Variants in ABLIM1 observed in about 807,000 individuals in gnomAD.
The protein encoded by ABLIM1 is actin binding LIM protein 1, also known as actin-binding LIM protein 1.
A neutral mutation model predicts 107.0 loss-of-function variants in ABLIM1; 40 were observed. That is an observed-to-expected ratio of 0.37 (90% confidence interval 0.29 to 0.49). The LOEUF is 0.49. ABLIM1 is among the 20% of genes least tolerant of loss of function. ABLIM1 has a pLI of 0.97. For missense variants in ABLIM1, 857 were observed against 1,008.5 expected, an observed-to-expected ratio of 0.85 and a Z score of 2.04; for synonymous variants, 357 against 357.3, an observed-to-expected ratio of 1.00 and a Z score of 0.01.
chr10:114,465,280 C>T (rs1251153902), intron 12 of ABLIM1, among the ~76,000 whole-genome samples: 2 of 151,986 alleles, frequency 1.3e-5, no homozygotes, highest in East Asian at 1.9e-4. Flanking sequence ...CTTACTAACA[C>T]CTAGATAAGG....
At chr10:114,598,007 C>G (rs1407632788) in intron 2 of ABLIM1, among the ~76,000 whole-genome samples, 5 of 152,176 alleles carry the variant, frequency 3.3e-5, no homozygotes, top group Admixed American at 3.3e-4. Flanking sequence ...CACAGTGGCT[C>G]ACGCCTGTAA....
intron 1 of ABLIM1, among the ~76,000 whole-genome samples, chr10:114,744,416 C>A (rs72831094): frequency 0.018 from 2,733 of 152,122 alleles, 37 homozygotes; most frequent in Non-Finnish European, 0.03. Flanking sequence ...AACAAAGAAA[C>A]AAGTTATCAA....
At chr10:114,493,079 T>C (rs1468125805) in intron 6 of ABLIM1, among the ~76,000 whole-genome samples, 1 of 152,242 alleles carries the variant, frequency 6.6e-6, no homozygotes, top group East Asian at 1.9e-4. Flanking sequence ...ATTTTTTACT[T>C]TTCTGCAGAA....
chr10:114,586,527 TTTTAAG>T (rs2074217528), intron 2 of ABLIM1, among the ~76,000 whole-genome samples: 1 of 152,240 alleles, frequency 6.6e-6, no homozygotes, highest in South Asian at 2.1e-4. Context: ...TCATGGGTTC[TTTTAAG>T]GAAATCAATG....
chr10:114,564,951 T>C (rs1388905830), intron 4 of ABLIM1, among the ~76,000 whole-genome samples: 1 of 152,228 alleles, frequency 6.6e-6, no homozygotes, highest in Non-Finnish European at 1.5e-5. Context: ...AAGCACCCAA[T>C]TTTTATTAAT....
intron 12 of ABLIM1, among the ~76,000 whole-genome samples, chr10:114,458,256 GTTTCTA>G (rs1279305136): frequency 1.3e-5 from 2 of 152,042 alleles, no homozygotes; most frequent in African/African-American, 4.8e-5. Flanking sequence ...TTCTATTTAT[GTTTCTA>G]TTTCTATTTC....
At chr10:114,557,849 A>C (rs1212145833) in intron 4 of ABLIM1, among the ~76,000 whole-genome samples, 1 of 151,688 alleles carries the variant, frequency 6.6e-6, no homozygotes, top group Non-Finnish European at 1.5e-5. Context: ...AAAAAAAAAA[A>C]AAAAATCAAA....
intron 3 of ABLIM1, among the ~76,000 whole-genome samples, chr10:114,572,474 G>C (rs1284814595): frequency 6.6e-6 from 1 of 152,180 alleles, no homozygotes; most frequent in East Asian, 1.9e-4. Flanking sequence ...AGTCATCACA[G>C]AGAGTTTTAA....
chr10:114,636,456 T>G (rs912191674), intron 1 of ABLIM1, among the ~76,000 whole-genome samples: 2 of 152,214 alleles, frequency 1.3e-5, no homozygotes, highest in African/African-American at 2.4e-5. Flanking sequence ...TCCAACCATA[T>G]TGCCTCCTGC....
intron 8 of ABLIM1, among the ~76,000 whole-genome samples, chr10:114,481,921 A>G (rs1437812784): frequency 6.6e-6 from 1 of 152,242 alleles, no homozygotes; most frequent in Non-Finnish European, 1.5e-5. Flanking sequence ...GCTCCTTTAA[A>G]AATATACACA....
At chr10:114,490,768 C>T (rs1176155542) in intron 7 of ABLIM1, among the ~76,000 whole-genome samples, 2 of 150,840 alleles carry the variant, frequency 1.3e-5, no homozygotes, top group African/African-American at 4.9e-5. Context: ...TTCATAAAAA[C>T]TATGATCATA....
At chr10:114,783,391 A>G in the ABLIM1 span, among the ~76,000 whole-genome samples, 1 of 152,290 alleles carries the variant, frequency 6.6e-6, no homozygotes, top group Middle Eastern at 3.4e-3. Flanking sequence ...TGTCTGCTGT[A>G]AGATACCCAG....
At chr10:114,532,100 C>G (rs955714327) in intron 6 of ABLIM1, among the ~76,000 whole-genome samples, 8 of 152,318 alleles carry the variant, frequency 5.3e-5, no homozygotes, top group South Asian at 2.1e-4. Context: ...CAAGCATGAG[C>G]CACGGCACCT....
the ABLIM1 span, among the ~76,000 whole-genome samples, chr10:114,790,888 C>T: frequency 1.4e-4 from 21 of 152,164 alleles, no homozygotes; most frequent in Non-Finnish European, 2.8e-4. Context: ...TTCAAGGACA[C>T]ACAAATGCCC....
At chr10:114,496,002 A>T (rs1314162971) in intron 6 of ABLIM1, among the ~76,000 whole-genome samples, 3 of 152,242 alleles carry the variant, frequency 2.0e-5, no homozygotes, top group African/African-American at 4.8e-5. Context: ...CATTGCACAA[A>T]GTAATAACAA....
intron 1 of ABLIM1, among the ~76,000 whole-genome samples, chr10:114,725,737 G>A (rs1354453139): frequency 1.4e-5 from 1 of 71,926 alleles, no homozygotes; most frequent in Non-Finnish European, 2.4e-5. Context: ...TATATAAAAT[G>A]TGTGTGTGTG....
Position 114,486,583 on chromosome 10 carries a change from G to GTGAC in ABLIM1, c.1041+1371_1041+1374dup, listed in dbSNP as rs1215127799. Among the ~76,000 whole-genome samples, 6 of 152,220 alleles carry GTGAC rather than the reference G, an allele frequency of 3.9e-5. No individual in the cohort carries two copies. The East Asian group carries it at 1.2e-3, about 29-fold the overall frequency. ...CACAACCAGGTGACTACGCCTGTGT[G>GTGAC]TGACTATCCGGCTGATGGACTTCAG... On this transcript the variant is annotated intron_variant, in intron 8 of 22. Coordinates refer to ENST00000533213, the MANE Select transcript of ABLIM1 (RefSeq NM_002313.7).
intron 8 of ABLIM1, among the ~76,000 whole-genome samples, chr10:114,474,215 G>A (rs536637134): frequency 3.4e-4 from 52 of 152,028 alleles, no homozygotes; most frequent in Admixed American, 3.3e-4. Context: ...GTTTACCTTT[G>A]AGCACACCTC....
intron 1 of ABLIM1, among the ~76,000 whole-genome samples, chr10:114,726,088 C>T (rs10885600): frequency 0.15 from 22,081 of 151,914 alleles, 2,043 homozygotes; most frequent in East Asian, 0.45. Flanking sequence ...AAAGCGTTTC[C>T]ATATTTTTAA....
Sources: gnomAD v4.1 joint callset for allele counts (sites outside exome capture counted in the v4.1 genomes callset) on GRCh38, gnomAD v4.1.1 for gene constraint, MANE v1.5 for transcripts, NCBI Gene and HGNC (gene_info 2026-07-23, HGNC 2026-07-21) for gene names.